The following PLGRKT variants were observed in gnomAD, a reference collection of about 807,000 sequenced individuals.
The protein encoded by PLGRKT is plasminogen receptor with a C-terminal lysine.
Under a neutral mutation model 18.5 loss-of-function variants are expected in PLGRKT, and 22 were observed. The observed-to-expected ratio is 1.19, with a 90% CI of 0.85 to 1.70. The LOEUF (loss-of-function observed/expected upper bound fraction) is 1.70. Ranked by LOEUF, PLGRKT falls within the 40% of genes most tolerant of loss-of-function variation. The probability of loss-of-function intolerance (pLI) is 0.00; values close to 1 mark genes in which losing one functional copy is unlikely to be tolerated. For synonymous variants in PLGRKT, 72 were observed against 52.8 expected, an observed-to-expected ratio of 1.36 and a Z score of -1.58; for missense variants, 235 against 174.4, an observed-to-expected ratio of 1.35 and a Z score of -1.96.
rs1012851104 is a variant in PLGRKT, at chr9:5,381,909, T to C, written c.82-20021A>G. 23 of 985,128 alleles carry C rather than the reference T, an allele frequency of 2.3e-5. No individual in the cohort carries two copies. The African/African-American group carries it at 3.8e-4, about 16-fold the overall frequency. The allele number at this position is 985,128 out of a possible 1,614,324, so 61.0% of individuals were successfully genotyped here. Reference sequence around the variant, plus strand: ...TGTACCAAATCACAGAGGGACCACATCATGAGAGGAAGAGTCTGCTCCGAG... The same window carrying C: ...TGTACCAAATCACAGAGGGACCACACCATGAGAGGAAGAGTCTGCTCCGAG... On this transcript the variant is annotated intron_variant, in intron 3 of 5. Coordinates refer to ENST00000223864, the MANE Select transcript of PLGRKT (RefSeq NM_018465.4).
At chr9:5,407,349 C>T (rs1249707695) in intron 3 of PLGRKT, among the ~76,000 whole-genome samples, 1 of 152,148 alleles carries the variant, frequency 6.6e-6, no homozygotes, top group Non-Finnish European at 1.5e-5. Context: ...TTCATACACA[C>T]AAAGAAAACA....
At chr9:5,413,396 G>A (rs1218008271) in intron 3 of PLGRKT, among the ~76,000 whole-genome samples, 1 of 152,132 alleles carries the variant, frequency 6.6e-6, no homozygotes, top group Non-Finnish European at 1.5e-5. Context: ...TGGCAAAAAA[G>A]GACTTTGTAG....
rs1586693750 is a variant in PLGRKT at position 5,358,104 on chromosome 9, G to C, written c.*135C>G. ...ATGTTATAAATTTTATTTTAAAATA[G>C]CTCAAAACTATCTTGCATTTTAATA... On this transcript the variant is annotated 3_prime_UTR_variant, in exon 6 of 6. Transcript: ENST00000223864. 1.7e-6 allele frequency: 1 copy of C among 599,984 alleles called. No individual in the cohort carries two copies. The highest frequency in any genetic ancestry group is 2.9e-5 in the East Asian group (1 of 34,154). 37.2% of individuals were successfully genotyped at this position (599,984 alleles called of 1,614,324 possible).
At chr9:5,382,380 T>C (rs563044819) in intron 3 of PLGRKT, among the ~76,000 whole-genome samples, 1 of 152,140 alleles carries the variant, frequency 6.6e-6, no homozygotes, top group Admixed American at 6.5e-5. Context: ...TGTGAGGAAA[T>C]GACGTTGAAG....
In PLGRKT at chr9:5,418,538, G is replaced by A. The variant is rs1256002327; in HGVS notation, c.81+13359C>T. On this transcript the variant is annotated intron_variant, in intron 3 of 5. Coordinates refer to ENST00000223864, the MANE Select transcript of PLGRKT (RefSeq NM_018465.4). This position sits in a 1 kb window ranked among gnomAD's most constrained non-coding sequence, Gnocchi z 4.2. Reference sequence around the variant, plus strand: ...TCCTGCTCCTCCTCCGCCACCCCCTGGGGAGCCCTGCCTTGCAGAGGCTGC... The same window carrying A: ...TCCTGCTCCTCCTCCGCCACCCCCTAGGGAGCCCTGCCTTGCAGAGGCTGC... 4 of 902,836 alleles carry A rather than the reference G, an allele frequency of 4.4e-6. No individual in the cohort carries two copies. Among genetic ancestry groups the A allele is most frequent in the South Asian group, 1.3e-5 (1 of 77,026 alleles). 55.9% of individuals were successfully genotyped at this position (902,836 alleles called of 1,614,324 possible).
At chr9:5,378,643 T>G (rs1340288412) in intron 3 of PLGRKT, among the ~76,000 whole-genome samples, 1 of 152,186 alleles carries the variant, frequency 6.6e-6, no homozygotes, top group Admixed American at 6.5e-5. Flanking sequence ...GTTGTACACT[T>G]TAACATTGAT....
intron 3 of PLGRKT, among the ~76,000 whole-genome samples, chr9:5,368,123 A>C (rs1403063009): frequency 6.6e-6 from 1 of 152,182 alleles, no homozygotes; most frequent in Non-Finnish European, 1.5e-5. Context: ...GAATGCTTAC[A>C]CTGTTGGTGG....
intron 3 of PLGRKT, among the ~76,000 whole-genome samples, chr9:5,390,729 T>G (rs1482731323): frequency 1.3e-5 from 2 of 151,840 alleles, no homozygotes; most frequent in Non-Finnish European, 2.9e-5. Flanking sequence ...AAGGCTGTTG[T>G]GTGACTTAGA....
chr9:5,415,733 A>G (rs930796481), intron 3 of PLGRKT, among the ~76,000 whole-genome samples: 1 of 152,160 alleles, frequency 6.6e-6, no homozygotes, highest in Non-Finnish European at 1.5e-5. Flanking sequence ...CACAATCTCA[A>G]TCTAATCATG....
chr9:5,402,501 G>A (rs1818173431), intron 3 of PLGRKT, among the ~76,000 whole-genome samples: 1 of 151,890 alleles, frequency 6.6e-6, no homozygotes, highest in South Asian at 2.1e-4. Flanking sequence ...TAAACTCACT[G>A]TCTCCCTACC....
intron 5 of PLGRKT, among the ~76,000 whole-genome samples, chr9:5,359,116 G>A (rs541625792): frequency 5.4e-4 from 81 of 150,674 alleles, no homozygotes; most frequent in African/African-American, 1.9e-3. Flanking sequence ...AGGCTGGAGT[G>A]CAGTGGTGCA....
chr9:5,403,077 A>C (rs1214884314), intron 3 of PLGRKT, among the ~76,000 whole-genome samples: 1 of 151,874 alleles, frequency 6.6e-6, no homozygotes, highest in Non-Finnish European at 1.5e-5. Context: ...TGCTGCATTT[A>C]ATCATTATTG....
intron 3 of PLGRKT, among the ~76,000 whole-genome samples, chr9:5,404,091 C>T (rs577809157): frequency 6.6e-6 from 1 of 152,138 alleles, no homozygotes; most frequent in Non-Finnish European, 1.5e-5. Flanking sequence ...AGAAGTTGAA[C>T]CCCTGAATAG....
intron 3 of PLGRKT, among the ~76,000 whole-genome samples, chr9:5,365,576 A>G (rs1408140372): frequency 5.9e-5 from 9 of 152,200 alleles, no homozygotes; most frequent in Non-Finnish European, 1.3e-4. Context: ...TGAAGAAGCT[A>G]AAGAGACAAG....
chr9:5,403,677 AT>A (rs1440919086), intron 3 of PLGRKT, among the ~76,000 whole-genome samples: 1 of 152,204 alleles, frequency 6.6e-6, no homozygotes, highest in African/African-American at 2.4e-5. Flanking sequence ...TATGTTCTCT[AT>A]TGAGTAAACT....
intron 3 of PLGRKT, chr9:5,392,705 GAA>G (rs1817972766): frequency 1.3e-5 from 2 of 151,766 alleles, no homozygotes; most frequent in African/African-American, 4.9e-5. Context: ...TAAAATAAGA[GAA>G]TACATAAAAT....
intron 3 of PLGRKT, among the ~76,000 whole-genome samples, chr9:5,423,722 G>C (rs891290116): frequency 4.7e-5 from 7 of 149,214 alleles, no homozygotes; most frequent in Admixed American, 3.3e-4. Flanking sequence ...TTTTTTTTGA[G>C]ACAAGGTCTC....
At chr9:5,365,729 G>C (rs536052668) in intron 3 of PLGRKT, among the ~76,000 whole-genome samples, 1 of 152,266 alleles carries the variant, frequency 6.6e-6, no homozygotes, top group East Asian at 1.9e-4. Flanking sequence ...AATGTGCCAT[G>C]GTAATGGTAA....
At chr9:5,380,522 T>C (rs77189104) in intron 3 of PLGRKT, among the ~76,000 whole-genome samples, 2,470 of 152,242 alleles carry the variant, frequency 0.016, 33 homozygotes, top group Non-Finnish European at 0.022. Flanking sequence ...TCATCAAATA[T>C]CATTTTCTCA....
Sources: gnomAD v4.1 joint callset for allele counts (sites outside exome capture counted in the v4.1 genomes callset) on GRCh38, gnomAD v4.1.1 for gene constraint, Gnocchi (gnomAD v3.1) non-coding constraint, MANE v1.5 for transcripts, NCBI Gene and HGNC (gene_info 2026-07-23, HGNC 2026-07-21) for gene names.